SYT2: variants seen among roughly 807,000 people sequenced by gnomAD.
SYT2 encodes the protein synaptotagmin-2.
SYT2 carries 15 observed loss-of-function variants against 39.9 expected under a neutral mutation model. The observed-to-expected ratio is 0.38, with a 90% CI of 0.25 to 0.58. The LOEUF is 0.58. Among genes scored for constraint, SYT2 ranks in the 20% least tolerant of loss-of-function variants. The probability of loss-of-function intolerance (pLI) is 0.70; values close to 1 mark genes in which losing one functional copy is unlikely to be tolerated. For synonymous variants in SYT2, 181 were observed against 204.5 expected, an observed-to-expected ratio of 0.89 and a Z score of 0.98; for missense variants, 389 against 530.3, an observed-to-expected ratio of 0.73 and a Z score of 2.62.
At chr1:202,610,620 CA>C (rs927317459) in intron 1 of SYT2, among the ~76,000 whole-genome samples, 1 of 152,214 alleles carries the variant, frequency 6.6e-6, no homozygotes, top group African/African-American at 2.4e-5. Context: ...GCAACTTCAG[CA>C]AAGTCTCAGG....
chr1:202,692,951 GAGA>G (rs1558463890), intron 1 of SYT2, among the ~76,000 whole-genome samples: 1 of 152,194 alleles, frequency 6.6e-6, no homozygotes, highest in African/African-American at 2.4e-5. Context: ...AATAAGGCAG[GAGA>G]AGGAGGGGGA....
chr1:202,701,601 C>T (rs546101569), intron 1 of SYT2, among the ~76,000 whole-genome samples: 2 of 152,280 alleles, frequency 1.3e-5, no homozygotes, highest in South Asian at 4.1e-4. Flanking sequence ...TGTGGAAGAA[C>T]ACAAAGACGG....
Position 202,609,797 on chromosome 1 carries a change from G to T in SYT2, c.-17-4008C>A, listed in dbSNP as rs570149573. On this transcript the variant is annotated intron_variant, in intron 1 of 8. Coordinates refer to ENST00000367268, the MANE Select transcript of SYT2 (RefSeq NM_177402.5). ...GATTCTGGATATTAGCCCTTTGTCA[G>T]ATGAGTAGATTGCAAAAATTTTCTC... Among the ~76,000 whole-genome samples, 64 of 152,256 alleles carry T rather than the reference G, an allele frequency of 4.2e-4. 2 individuals carry two copies. The East Asian group carries it at 8.1e-3, about 19-fold the overall frequency.
At chr1:202,636,363 C>G (rs1411224836) in intron 1 of SYT2, 7 of 985,250 alleles carry the variant, frequency 7.1e-6, no homozygotes, top group Non-Finnish European at 8.4e-6. Flanking sequence ...AGCCAGAAAG[C>G]CAGCATGTGC....
At chr1:202,670,967 G>A (rs1453248261) in intron 1 of SYT2, among the ~76,000 whole-genome samples, 1 of 152,194 alleles carries the variant, frequency 6.6e-6, no homozygotes, top group Non-Finnish European at 1.5e-5. Context: ...TCTCTGCTGG[G>A]TCAGCTGGGC....
Position 202,694,037 on chromosome 1 carries a change from C to T in SYT2, c.-18+16221G>A, listed in dbSNP as rs57676426. Among the ~76,000 whole-genome samples the T allele has an allele frequency of 5.2e-3, 799 of 152,334 alleles. 10 individuals carry two copies. The highest frequency in any genetic ancestry group is 0.018 in the African/African-American group (766 of 41,570). On this transcript the variant is annotated intron_variant, in intron 1 of 8. Coordinates refer to ENST00000367268, the MANE Select transcript of SYT2 (RefSeq NM_177402.5). ...CTCATGAACTCAGAGCAAGAACTCACTCATTACCACGAGGAGGACACCAAG... is the reference window on the plus strand; with the variant it reads ...CTCATGAACTCAGAGCAAGAACTCATTCATTACCACGAGGAGGACACCAAG...
At chr1:202,674,019 T>A (rs1298887807) in intron 1 of SYT2, among the ~76,000 whole-genome samples, 1 of 152,194 alleles carries the variant, frequency 6.6e-6, no homozygotes, top group East Asian at 1.9e-4. Flanking sequence ...CAGGTTAATG[T>A]GTATTTTTTT....
chr1:202,624,717 TA>T (rs1691312670), intron 1 of SYT2, among the ~76,000 whole-genome samples: 1 of 10,964 alleles, frequency 9.1e-5, no homozygotes, highest in African/African-American at 2.9e-4. Context: ...GTGTGTGTGG[TA>T]TGTAGTAGGG....
chr1:202,591,398 G>A lies in SYT2; in HGVS notation c.*5359C>T, dbSNP rs759789708. 2 of 152,560 alleles carry A rather than the reference G, an allele frequency of 1.3e-5. No homozygotes were observed. The highest frequency in any genetic ancestry group is 4.8e-5 in the African/African-American group (2 of 41,446). The allele number at this position is 152,560 out of a possible 1,614,324, so 9.5% of individuals were successfully genotyped here. ...CCATGGGGCCAGGGGCCGCAGGCAG[G>A]GGGGCTACCTGTCCCTCTCAGTTCA... is the stretch of plus-strand genomic sequence containing the variant. On this transcript the variant is annotated 3_prime_UTR_variant, in exon 9 of 9. Transcript: ENST00000367268.
At chr1:202,650,964 C>G (rs1692180304) in intron 1 of SYT2, among the ~76,000 whole-genome samples, 1 of 151,686 alleles carries the variant, frequency 6.6e-6, no homozygotes, top group Admixed American at 6.6e-5. Flanking sequence ...CCTGGAGGCA[C>G]TGGGCAGAGT....
In SYT2 at chr1:202,604,453, A is replaced by G; in HGVS notation, c.345+2T>C. On this transcript the variant is annotated splice_donor_variant, in intron 3 of 8. Coordinates refer to ENST00000367268, the MANE Select transcript of SYT2 (RefSeq NM_177402.5). LOFTEE classifies it high-confidence loss of function. ...GTCCCCCTCACAACCAATGTGCCCT[A>G]CCTGACCCCCTTTCATGTCCTTCAT... 1 of 1,613,990 alleles carries G rather than the reference A, an allele frequency of 6.2e-7. No homozygotes were observed.
intron 1 of SYT2, among the ~76,000 whole-genome samples, chr1:202,642,893 T>C (rs17441452): frequency 0.02 from 3,109 of 152,340 alleles, 52 homozygotes; most frequent in Non-Finnish European, 0.021. Flanking sequence ...CGCCTTCGCT[T>C]CACCGCAGGT....
rs370987486 is a variant in SYT2 at position 202,699,622 on chromosome 1, ATGT to A, written c.-18+10633_-18+10635del. Reference sequence around the variant, plus strand: ...ACTGGATTGTAGTGATAGCTGTATAATGTTGTAAATTTACTAAAAATCACTGAA... The same window carrying A: ...ACTGGATTGTAGTGATAGCTGTATAATGTAAATTTACTAAAAATCACTGAA... On this transcript the variant is annotated intron_variant, in intron 1 of 8. Transcript: ENST00000367268. Among the ~76,000 whole-genome samples the A allele has an allele frequency of 1.9e-4, 29 of 152,360 alleles. No homozygotes were observed. The East Asian group carries it at 4.4e-3, about 23-fold the overall frequency.
rs1690316079 is a variant in SYT2 at position 202,596,848 on chromosome 1, T to C, written c.1169A>G (p.Asp390Gly). 2.5e-6 allele frequency: 4 copies of C among 1,614,188 alleles called. No individual in the cohort carries two copies. The East Asian group carries it at 8.9e-5, about 36-fold the overall frequency. ...ATGTELRHWS[D>G]MLANPRRPIA... Reference sequence around the variant, plus strand: ...GGGCCTCCGGGGGTTGGCCAGCATGTCGGACCAGTGCCGCAGCTCTGTGCC... The same window carrying C: ...GGGCCTCCGGGGGTTGGCCAGCATGCCGGACCAGTGCCGCAGCTCTGTGCC... Residue 390 changes from aspartate to glycine, a missense_variant, in exon 9 of 9, where the codon GAC (aspartate) becomes GGC (glycine). By Grantham distance (94) the Asp-to-Gly change is moderately conservative. Around this residue, in one of 4 missense-constraint regions of SYT2, gnomAD observed 84 missense variants for 123.1 expected, o/e 0.68. Transcript: ENST00000367268.
intron 1 of SYT2, among the ~76,000 whole-genome samples, chr1:202,638,820 T>C (rs899913044): frequency 2.0e-5 from 3 of 152,252 alleles, no homozygotes; most frequent in African/African-American, 7.2e-5. Flanking sequence ...GGGCAAATAT[T>C]GACTTTCTTT....
Position 202,604,632 on chromosome 1 carries a change from A to G in SYT2, c.179-11T>C. The stretch of plus-strand genomic sequence containing the variant: ...GTGCCCAGGGTGGTACTGCCCACAC[A>G]GAGAAGATCCCAGGGTCAGCAGTGC... On this transcript the variant is annotated splice_polypyrimidine_tract_variant and intron_variant, in intron 2 of 8. Transcript: ENST00000367268. The G allele has an allele frequency of 6.2e-7, 1 of 1,612,656 alleles. No homozygotes were observed. The highest frequency in any genetic ancestry group is 2.2e-5 in the East Asian group (1 of 44,830).
intron 1 of SYT2, among the ~76,000 whole-genome samples, chr1:202,663,491 T>C (rs891407879): frequency 6.6e-6 from 1 of 152,230 alleles, no homozygotes; most frequent in Non-Finnish European, 1.5e-5. Flanking sequence ...CACAGCACCG[T>C]TGTGTTTCTG....
chr1:202,600,950 T>C (rs1009525027), intron 6 of SYT2, among the ~76,000 whole-genome samples: 1 of 152,222 alleles, frequency 6.6e-6, no homozygotes, highest in African/African-American at 2.4e-5. Flanking sequence ...CCCACCAAGA[T>C]CTCTCCTTGT....
At chr1:202,708,631 T>A (rs1431573142) in intron 1 of SYT2, among the ~76,000 whole-genome samples, 1 of 152,070 alleles carries the variant, frequency 6.6e-6, no homozygotes, top group African/African-American at 2.4e-5. Flanking sequence ...GGCTGCAGTG[T>A]GCCTGGCGTG....
Sources: gnomAD v4.1 joint callset for allele counts (sites outside exome capture counted in the v4.1 genomes callset) on GRCh38, gnomAD v4.1.1 for gene constraint, gnomAD v4.1.1 regional missense constraint, MANE v1.5 for transcripts, NCBI Gene and HGNC (gene_info 2026-07-23, HGNC 2026-07-21) for gene names.